Variants in PCDHA6 observed in about 807,000 individuals in gnomAD.
The protein encoded by PCDHA6 is protocadherin alpha 6.
A neutral mutation model predicts 60.3 loss-of-function variants in PCDHA6; 55 were observed. The ratio of observed to expected loss-of-function variants is 0.91; its 90% CI spans 0.73 to 1.14. PCDHA6 has a LOEUF of 1.14. PCDHA6 is among the 50% of genes most tolerant of loss of function. The probability of loss-of-function intolerance (pLI) is 0.00; values close to 1 mark genes in which losing one functional copy is unlikely to be tolerated. For synonymous variants in PCDHA6, 652 were observed against 557.9 expected, an observed-to-expected ratio of 1.17 and a Z score of -2.38; for missense variants, 1,327 against 1,256.5, an observed-to-expected ratio of 1.06 and a Z score of -0.85.
rs1266010631 is a variant in PCDHA6, at chr5:140,857,226, C to T, written c.2394+26741C>T. 4.4e-6 allele frequency: 7 copies of T among 1,598,494 alleles called. 1 individual carries two copies. Among genetic ancestry groups the T allele is most frequent in the Non-Finnish European group, 5.1e-6 (6 of 1,167,908 alleles). On this transcript the variant is annotated intron_variant, in intron 1 of 3. Coordinates refer to ENST00000529310, the MANE Select transcript of PCDHA6 (RefSeq NM_018909.4). ...ACCTGCTCTCTGACGCCTCACGTTC[C>T]GTTCAAGCTGGTGTCCACCTACAAG...
At chr5:140,848,358 G>T in intron 1 of PCDHA6, 1 of 1,051,266 alleles carries the variant, frequency 9.5e-7, no homozygotes, top group Non-Finnish European at 1.4e-6. Context: ...CTTTTCCCAT[G>T]GGAAAGAGGC....
chr5:140,852,798 T>A, intron 1 of PCDHA6: 1 of 976,860 alleles, frequency 1.0e-6, no homozygotes, highest in Non-Finnish European at 1.2e-6. Context: ...GCTACAGATG[T>A]CATTTGTCTC....
chr5:140,980,412 A>G (rs1264059417), intron 2 of PCDHA6, among the ~76,000 whole-genome samples: 4 of 152,302 alleles, frequency 2.6e-5, no homozygotes, highest in Non-Finnish European at 5.9e-5. Flanking sequence ...TGGGCAGATC[A>G]TGAGGTCAAG....
intron 1 of PCDHA6, chr5:140,865,728 T>C (rs1052740962): frequency 5.3e-5 from 8 of 152,218 alleles, no homozygotes; most frequent in Admixed American, 4.6e-4. Flanking sequence ...AGCTGAGATG[T>C]GTATCTATTT....
intron 3 of PCDHA6, among the ~76,000 whole-genome samples, chr5:140,989,714 A>T (rs2097355942): frequency 6.6e-6 from 1 of 152,202 alleles, no homozygotes; most frequent in Non-Finnish European, 1.5e-5. Context: ...AGAGGCAGTC[A>T]GCTTTGCAGT....
At chr5:140,886,515 G>C (rs1554182564) in intron 1 of PCDHA6, among the ~76,000 whole-genome samples, 1 of 151,972 alleles carries the variant, frequency 6.6e-6, no homozygotes, top group East Asian at 1.9e-4. Context: ...TGGATTTTAA[G>C]GTCTGCATAT....
intron 1 of PCDHA6, among the ~76,000 whole-genome samples, chr5:140,839,243 C>T (rs12659980): frequency 0.58 from 88,501 of 151,692 alleles, 26,916 homozygotes; most frequent in African/African-American, 0.73. Context: ...TATTGCTTTG[C>T]TTTTATGCTT....
At chr5:140,975,552 G>A (rs1416724640) in intron 1 of PCDHA6, among the ~76,000 whole-genome samples, 1 of 152,200 alleles carries the variant, frequency 6.6e-6, no homozygotes, top group Non-Finnish European at 1.5e-5. Flanking sequence ...CTATTAGGAA[G>A]GAAAAGGAGA....
At chr5:140,857,932 C>T in intron 1 of PCDHA6, 1 of 1,597,630 alleles carries the variant, frequency 6.3e-7, no homozygotes, top group East Asian at 2.2e-5. Flanking sequence ...TGTACACGGG[C>T]GAGATCAGTA....
At chr5:140,973,800 C>A (rs1554235613) in intron 1 of PCDHA6, among the ~76,000 whole-genome samples, 1 of 152,236 alleles carries the variant, frequency 6.6e-6, no homozygotes, top group Non-Finnish European at 1.5e-5. Context: ...ATGCTGTCTA[C>A]TTGACAGAAT....
At chr5:140,918,263 G>A (rs2078602453) in intron 1 of PCDHA6, among the ~76,000 whole-genome samples, 1 of 152,214 alleles carries the variant, frequency 6.6e-6, no homozygotes, top group East Asian at 1.9e-4. Context: ...TTTGCTGGAG[G>A]TTTTATCAGA....
chr5:140,995,073 CA>C (rs537697820), intron 3 of PCDHA6, among the ~76,000 whole-genome samples: 319 of 152,298 alleles, frequency 2.1e-3, no homozygotes, highest in African/African-American at 7.3e-3. Flanking sequence ...CAACCTACAG[CA>C]ATCCAAACTT....
At chr5:140,882,076 G>T in intron 1 of PCDHA6, 1 of 920,546 alleles carries the variant, frequency 1.1e-6, no homozygotes. Flanking sequence ...TGCGCATGGT[G>T]TCGCTCTTCA....
intron 1 of PCDHA6, among the ~76,000 whole-genome samples, chr5:140,838,434 A>G (rs1554137076): frequency 1.3e-5 from 2 of 151,392 alleles, no homozygotes; most frequent in Non-Finnish European, 2.9e-5. Context: ...TAAATTATAT[A>G]TTGGGTTTTG....
chr5:140,935,894 C>CTTT lies in PCDHA6; in HGVS notation c.2395-43041_2395-43039dup, dbSNP rs55841305. Among the ~76,000 whole-genome samples, 1,154 of 136,734 alleles carry CTTT rather than the reference C, an allele frequency of 8.4e-3. 14 individuals carry two copies. Among genetic ancestry groups the CTTT allele is most frequent in the East Asian group, 0.025 (118 of 4,726 alleles). 89.7% of individuals were successfully genotyped at this position (136,734 alleles called of 152,430 possible). On this transcript the variant is annotated intron_variant, in intron 1 of 3. Coordinates refer to ENST00000529310, the MANE Select transcript of PCDHA6 (RefSeq NM_018909.4). ...ATGAGCTCCAATTTATCAATATTAT[C>CTTT]TTTTTTTTTTTTTTTTGAGACAGAT...
chr5:140,855,966 T>G (rs1554148056), intron 1 of PCDHA6: 7 of 1,422,780 alleles, frequency 4.9e-6, no homozygotes, highest in Non-Finnish European at 2.9e-6. Flanking sequence ...AAAATAGATA[T>G]AAGAAATAGG....
chr5:140,894,987 T>A lies in PCDHA6; in HGVS notation c.2394+64502T>A, dbSNP rs564159529. On this transcript the variant is annotated intron_variant, in intron 1 of 3. Transcript: ENST00000529310. ...TTTTTTAATGTCTTACTTTGTGACA[T>A]CCTTTACCCTTTTTACTTGGACCTT... 3.3e-5 allele frequency among the ~76,000 whole-genome samples: 5 copies of A among 152,318 alleles called. No individual in the cohort carries two copies. In the East Asian group the frequency reaches 9.6e-4, roughly 29 times the overall value.
chr5:140,888,047 G>C (rs1246901863), intron 1 of PCDHA6, among the ~76,000 whole-genome samples: 12 of 152,092 alleles, frequency 7.9e-5, no homozygotes, highest in African/African-American at 2.9e-4. Flanking sequence ...ATGTATAATA[G>C]ATGTTTTAAC....
intron 1 of PCDHA6, among the ~76,000 whole-genome samples, chr5:140,912,146 T>G (rs1248730371): frequency 6.6e-6 from 1 of 152,202 alleles, no homozygotes; most frequent in Admixed American, 6.5e-5. Flanking sequence ...CATGTTCTTC[T>G]GCCTGTTTTT....
Sources: allele counts gnomAD v4.1 joint callset (sites outside exome capture counted in the v4.1 genomes callset), GRCh38; gene constraint gnomAD v4.1.1; transcripts MANE v1.5; gene names NCBI Gene and HGNC (gene_info 2026-07-23, HGNC 2026-07-21).